NOX3: variants seen among roughly 807,000 people sequenced by gnomAD.
NOX3 encodes the protein NADPH oxidase catalytic subunit-like 3.
NOX3 carries 74 observed loss-of-function variants against 76.7 expected under a neutral mutation model. The observed-to-expected ratio is 0.96, with a 90% confidence interval of 0.80 to 1.17. NOX3 has a LOEUF of 1.17. Ranked by LOEUF, NOX3 falls within the 50% of genes most tolerant of loss-of-function variation. The probability of loss-of-function intolerance (pLI) is 0.00; values close to 1 mark genes in which losing one functional copy is unlikely to be tolerated. For synonymous variants in NOX3, 263 were observed against 261.1 expected (o/e 1.01, Z -0.07); for missense variants, 695 against 703.3 (o/e 0.99, Z 0.13).
At chr6:155,435,711 T>C (rs1776895305) in intron 7 of NOX3, among the ~76,000 whole-genome samples, 2 of 152,222 alleles carry the variant, frequency 1.3e-5, no homozygotes, top group Non-Finnish European at 2.9e-5. Flanking sequence ...CATCACTTGG[T>C]TGTCCCAAAG....
At chr6:155,407,995 T>C (rs189721993) in intron 11 of NOX3, among the ~76,000 whole-genome samples, 81 of 152,334 alleles carry the variant, frequency 5.3e-4, no homozygotes, top group South Asian at 1.0e-3. Context: ...TTTGTGTTTT[T>C]TGAGACAGAG....
intron 12 of NOX3, among the ~76,000 whole-genome samples, chr6:155,406,293 A>G (rs1776456068): frequency 6.6e-6 from 1 of 152,244 alleles, no homozygotes; most frequent in Non-Finnish European, 1.5e-5. Context: ...GGATATTATC[A>G]TCCATATTTT....
chr6:155,439,991 G>T lies in NOX3; in HGVS notation c.633C>A (p.Ile211=). 1 of 1,613,948 alleles carries T rather than the reference G, an allele frequency of 6.2e-7. No homozygotes were observed. The highest frequency in any genetic ancestry group is 1.1e-5 in the South Asian group (1 of 91,022). ...ELFWYTHHVF[I]VFFLSLAIHG... ...GGATGGCCAGGCTGAGAAAGAAGAC[G>T]ATGAAAACATGGTGTGTGTACCAGA... is the stretch of plus-strand genomic sequence containing the variant. The change falls in exon 6 of 14, where the codon ATC becomes ATA. Residue 211 remains isoleucine (I), a synonymous_variant. Transcript: ENST00000159060.
chr6:155,430,899 C>T lies in NOX3; in HGVS notation c.835G>A (p.Ala279Thr), dbSNP rs765923728. Residue 279 changes from alanine (A) to threonine (T), a missense_variant, in exon 8 of 14, where the codon GCA becomes ACA. Physicochemically the swap from Ala to Thr is moderately conservative, Grantham distance 58 (BLOSUM62 0). Transcript: ENST00000159060. ...KWILGPVVLY[A>T]CERIIRFWRF... ...CAGAACCTAATTATTCTTTCACATG[C>T]ATACAAGACCACAGGGCCTAAAATC... 1.2e-6 allele frequency: 2 copies of T among 1,613,288 alleles called. No individual in the cohort carries two copies. Among genetic ancestry groups the T allele is most frequent in the South Asian group, 1.1e-5 (1 of 91,034 alleles).
At chr6:155,454,748 T>TC (rs1777189098) in intron 3 of NOX3, 63 bp downstream of exon 3, 1 of 953,248 alleles carries the variant, frequency 1.0e-6, no homozygotes. Context: ...ACATTTTTTT[T>TC]CAATGGCACT....
chr6:155,449,595 G>A (rs1354032959), intron 4 of NOX3, among the ~76,000 whole-genome samples: 2 of 152,148 alleles, frequency 1.3e-5, no homozygotes, highest in Non-Finnish European at 2.9e-5. Context: ...TGCATTTTCC[G>A]TGATGTCCTT....
At chr6:155,451,891 G>C (rs112979641) in intron 4 of NOX3, among the ~76,000 whole-genome samples, 3,233 of 152,214 alleles carry the variant, frequency 0.021, 113 homozygotes, top group African/African-American at 0.074. Flanking sequence ...GCCTCCCAAA[G>C]TGCTGGGATT....
intron 10 of NOX3, among the ~76,000 whole-genome samples, chr6:155,417,443 G>T (rs1776635330): frequency 6.6e-6 from 1 of 152,120 alleles, no homozygotes. Flanking sequence ...CGCAATCTGT[G>T]GTTAATAAAC....
intron 12 of NOX3, among the ~76,000 whole-genome samples, chr6:155,397,254 G>A (rs115335411): frequency 0.015 from 2,250 of 152,166 alleles, 53 homozygotes; most frequent in African/African-American, 0.051. Flanking sequence ...TGCAATGTTG[G>A]CACTTTACAA....
At chr6:155,421,777 G>A (rs1051909519) in intron 10 of NOX3, among the ~76,000 whole-genome samples, 4 of 152,158 alleles carry the variant, frequency 2.6e-5, no homozygotes, top group African/African-American at 9.7e-5. Flanking sequence ...TTACAGGCAT[G>A]AGCTACTGCG....
intron 5 of NOX3, among the ~76,000 whole-genome samples, chr6:155,440,467 A>T (rs79379581): frequency 1.3e-5 from 2 of 151,674 alleles, no homozygotes; most frequent in African/African-American, 4.8e-5. Context: ...TGGAAAAAAA[A>T]CCCACATAAA....
chr6:155,454,876 T>G lies in NOX3; in HGVS notation c.190A>C (p.Asn64His). Residue 64 changes from asparagine to histidine, a missense_variant, in exon 3 of 14, where the codon AAC (asparagine) becomes CAC (histidine). Transcript: ENST00000159060. ...ACAGGTATTAGAATTAGCATGCAGT[T>G]AAAATTCAGGCACAGTGCGGATGCT... The part of the protein sequence containing the change: ...ARASALCLNF[N>H]CMLILIPVSR... 1.2e-6 allele frequency: 2 copies of G among 1,610,602 alleles called. No individual in the cohort carries two copies. The highest frequency in any genetic ancestry group is 2.2e-5 in the South Asian group (2 of 90,264).
chr6:155,416,744 C>CTTTTTTTTTTTTTTTTTTTTTTTTTTTT lies in NOX3; in HGVS notation c.1309-5385_1309-5384insAAAAAAAAAAAAAAAAAAAAAAAAAAAA, dbSNP rs534711414. On this transcript the variant is annotated intron_variant, in intron 10 of 13. Coordinates refer to ENST00000159060, the MANE Select transcript of NOX3 (RefSeq NM_015718.3). ...GGACAACTGAAACATCTGAAACATTCTTTTTTTTTTTTTTTTTTTTTTTTG... is the reference window on the plus strand; with the variant it reads ...GGACAACTGAAACATCTGAAACATTCTTTTTTTTTTTTTTTTTTTTTTTTTTTTTTTTTTTTTTTTTTTTTTTTTTTTG... Among the ~76,000 whole-genome samples, 5 of 92,534 alleles carry CTTTTTTTTTTTTTTTTTTTTTTTTTTTT rather than the reference C, an allele frequency of 5.4e-5. 1 individual carries two copies. The highest frequency in any genetic ancestry group is 1.2e-4 in the African/African-American group (3 of 24,098). The allele number at this position is 92,534 out of a possible 152,430, so 60.7% of individuals were successfully genotyped here.
At chr6:155,426,298 G>A (rs75738456) in intron 9 of NOX3, among the ~76,000 whole-genome samples, 1 of 152,166 alleles carries the variant, frequency 6.6e-6, no homozygotes. Flanking sequence ...GTCAGGGCCT[G>A]TTCTAGGCCC....
intron 10 of NOX3, among the ~76,000 whole-genome samples, chr6:155,416,072 C>T (rs1442150719): frequency 6.6e-6 from 1 of 152,204 alleles, no homozygotes; most frequent in Non-Finnish European, 1.5e-5. Flanking sequence ...TCACCAGGCT[C>T]GGTGTGTGCT....
intron 9 of NOX3, among the ~76,000 whole-genome samples, chr6:155,427,500 C>A (rs1776772822): frequency 6.6e-6 from 1 of 152,208 alleles, no homozygotes; most frequent in African/African-American, 2.4e-5. Context: ...CACTGCATGT[C>A]AGACACTGTT....
chr6:155,427,028 T>TGTGTGTGTGTGTGTGG (rs796489805), intron 9 of NOX3, among the ~76,000 whole-genome samples: 1 of 121,754 alleles, frequency 8.2e-6, no homozygotes, highest in Non-Finnish European at 1.7e-5. Flanking sequence ...TGTGTGTGTG[T>TGTGTGTGTGTGTGTGG]GCTGGGGGGG....
chr6:155,439,067 G>A (rs1052047328), intron 6 of NOX3, among the ~76,000 whole-genome samples: 1 of 152,124 alleles, frequency 6.6e-6, no homozygotes, highest in African/African-American at 2.4e-5. Flanking sequence ...GGGACCTTGA[G>A]GGCATCACTT....
At chr6:155,452,736 G>T (rs772508726) in intron 4 of NOX3, among the ~76,000 whole-genome samples, 1 of 151,826 alleles carries the variant, frequency 6.6e-6, no homozygotes. Context: ...ACTCCTTATC[G>T]CTCAGATAGC....
Sources: allele counts gnomAD v4.1 joint callset (sites outside exome capture counted in the v4.1 genomes callset), GRCh38; gene constraint gnomAD v4.1.1; transcripts MANE v1.5; gene names NCBI Gene and HGNC (gene_info 2026-07-23, HGNC 2026-07-21).